Variants in AADACL3 observed in about 807,000 individuals in gnomAD.
AADACL3 encodes the protein arylacetamide deacetylase-like 3.
AADACL3 carries 13 observed loss-of-function variants against 13.6 expected under a neutral mutation model. The ratio of observed to expected loss-of-function variants is 0.95; its 90% CI spans 0.62 to 1.52. The LOEUF (loss-of-function observed/expected upper bound fraction) is 1.52. AADACL3 is among the 40% of genes most tolerant of loss of function. AADACL3 has a pLI of 0.00. For missense variants in AADACL3, 519 were observed against 499.2 expected, an observed-to-expected ratio of 1.04 and a Z score of -0.38; for synonymous variants, 195 against 197.0, an observed-to-expected ratio of 0.99 and a Z score of 0.08.
At chr1:12,720,473 C>G (rs925457226) in intron 2 of AADACL3, among the ~76,000 whole-genome samples, 1 of 152,156 alleles carries the variant, frequency 6.6e-6, no homozygotes, top group Admixed American at 6.5e-5. Context: ...CAACACTCTA[C>G]GAGTTAGATA....
Position 12,727,994 on chromosome 1 carries a change from T to G in AADACL3, c.*1998T>G, listed in dbSNP as rs1638403546. 1 of 152,256 alleles carries G rather than the reference T, an allele frequency of 6.6e-6. No individual in the cohort carries two copies. Among genetic ancestry groups the G allele is most frequent in the African/African-American group, 2.4e-5 (1 of 41,470 alleles). The allele number at this position is 152,256 out of a possible 1,614,324, so 9.4% of individuals were successfully genotyped here. On this transcript the variant is annotated 3_prime_UTR_variant, in exon 4 of 4. Coordinates refer to ENST00000359318, the MANE Select transcript of AADACL3 (RefSeq NM_001103170.3). ...AGGAATGTATAACATTTTAAGAGGC[T>G]GAGAGCACCCCTTGTTGGGCGCATG...
chr1:12,726,076 A>C lies in AADACL3; in HGVS notation c.*80A>C. 3.4e-6 allele frequency: 5 copies of C among 1,490,992 alleles called. No individual in the cohort carries two copies. The highest frequency in any genetic ancestry group is 4.5e-6 in the Non-Finnish European group (5 of 1,108,036). The allele number at this position is 1,490,992 out of a possible 1,614,324, so 92.4% of individuals were successfully genotyped here. On this transcript the variant is annotated 3_prime_UTR_variant, in exon 4 of 4. Coordinates refer to ENST00000359318, the MANE Select transcript of AADACL3 (RefSeq NM_001103170.3). ...CCACAGGGCTCTCTGTTGCTGATTTAGGTGGTGCATAGTGGGGCTAGGGAG... is the reference window on the plus strand; with the variant it reads ...CCACAGGGCTCTCTGTTGCTGATTTCGGTGGTGCATAGTGGGGCTAGGGAG...
chr1:12,724,091 T>C (rs780849598), intron 3 of AADACL3, among the ~76,000 whole-genome samples: 10 of 152,222 alleles, frequency 6.6e-5, no homozygotes, highest in Non-Finnish European at 1.5e-4. Flanking sequence ...GTTGGCTTTA[T>C]GCATTTTTAT....
Position 12,726,210 on chromosome 1 carries a change from T to A in AADACL3, c.*214T>A. 1 of 578,090 alleles carries A rather than the reference T, an allele frequency of 1.7e-6. No homozygotes were observed. 35.8% of individuals were successfully genotyped at this position (578,090 alleles called of 1,614,324 possible). A position where few individuals can be genotyped will look rare whatever the true frequency, so the allele number is the denominator to read the frequency against. Reference sequence around the variant, plus strand: ...AAAGACAGGTTTGGAGGTGGGAGTGTGGCTGTCTCTATTCTCTGTTGGGAA... The same window carrying A: ...AAAGACAGGTTTGGAGGTGGGAGTGAGGCTGTCTCTATTCTCTGTTGGGAA... On this transcript the variant is annotated 3_prime_UTR_variant, in exon 4 of 4. Transcript: ENST00000359318.
chr1:12,719,643 C>G lies in AADACL3; in HGVS notation c.337C>G (p.Pro113Ala). Residue 113 changes from proline (P) to alanine (A), a missense_variant, in exon 2 of 4, where the codon CCT becomes GCT. Transcript: ENST00000359318. ...CAAGGCATCCACCTGCACCCTGAAG[C>G]CTGGCATCGTGTACTACCACGGTGG... ...QPKASTCTLKPGIVYYHGGGG... is the reference protein window; with the variant it reads ...QPKASTCTLKAGIVYYHGGGG... 3 of 1,614,190 alleles carry G rather than the reference C, an allele frequency of 1.9e-6. No homozygotes were observed. The highest frequency in any genetic ancestry group is 1.7e-4 in the Middle Eastern group (1 of 6,052).
chr1:12,725,220 A>G lies in AADACL3; in HGVS notation c.450-2A>G. ...CAACTGTGTTTCTTGATTCCTTTTTAGTTACCGCAAGTTACCTAAGCATAA... is the reference window on the plus strand; with the variant it reads ...CAACTGTGTTTCTTGATTCCTTTTTGGTTACCGCAAGTTACCTAAGCATAA... On this transcript the variant is annotated splice_acceptor_variant, in intron 3 of 3. Coordinates refer to ENST00000359318, the MANE Select transcript of AADACL3 (RefSeq NM_001103170.3). LOFTEE classifies it high-confidence loss of function. The G allele has an allele frequency of 1.9e-6, 3 of 1,588,928 alleles. No individual in the cohort carries two copies. Among genetic ancestry groups the G allele is most frequent in the Non-Finnish European group, 2.6e-6 (3 of 1,168,922 alleles).
chr1:12,726,239 C>T lies in AADACL3; in HGVS notation c.*243C>T. 1 of 516,248 alleles carries T rather than the reference C, an allele frequency of 1.9e-6. No individual in the cohort carries two copies. Among genetic ancestry groups the T allele is most frequent in the South Asian group, 2.9e-5 (1 of 34,210 alleles). 32.0% of individuals were successfully genotyped at this position (516,248 alleles called of 1,614,324 possible). ...TGTCTCTATTCTCTGTTGGGAAAAC[C>T]TGGGCTGACAATATTCAGTGGCCAT... On this transcript the variant is annotated 3_prime_UTR_variant, in exon 4 of 4. Transcript: ENST00000359318.
chr1:12,719,177 A>G (rs1648508733), intron 1 of AADACL3, among the ~76,000 whole-genome samples: 1 of 152,042 alleles, frequency 6.6e-6, no homozygotes, highest in Admixed American at 6.6e-5. Context: ...GGGTGTTGCA[A>G]GTAGAGGGAC....
chr1:12,716,147 C>T lies in AADACL3; in HGVS notation c.-30C>T. 1.4e-6 allele frequency: 1 copy of T among 694,430 alleles called. No individual in the cohort carries two copies. The highest frequency in any genetic ancestry group is 1.7e-5 in the South Asian group (1 of 59,986). 43.0% of individuals were successfully genotyped at this position (694,430 alleles called of 1,614,324 possible). A position where few individuals can be genotyped will look rare whatever the true frequency, so the allele number is the denominator to read the frequency against. Reference sequence around the variant, plus strand: ...AAATGGTTTACACTGCGCACAGCTTCCTCTCAGCCCGCTCTGAGCTGGAAG... The same window carrying T: ...AAATGGTTTACACTGCGCACAGCTTTCTCTCAGCCCGCTCTGAGCTGGAAG... On this transcript the variant is annotated 5_prime_UTR_variant, in exon 1 of 4. Coordinates refer to ENST00000359318, the MANE Select transcript of AADACL3 (RefSeq NM_001103170.3).
At chr1:12,724,480 AC>A (rs1274802595) in intron 3 of AADACL3, among the ~76,000 whole-genome samples, 4 of 151,766 alleles carry the variant, frequency 2.6e-5, no homozygotes, top group Admixed American at 2.6e-4. Context: ...ATTATTTGAG[AC>A]CCTGCTTTTT....
rs559296689 is a variant in AADACL3 at position 12,720,367 on chromosome 1, G to A, written c.386-516G>A. Among the ~76,000 whole-genome samples the A allele has an allele frequency of 9.3e-4, 142 of 152,258 alleles. 1 individual carries two copies. Among genetic ancestry groups the A allele is most frequent in the Non-Finnish European group, 1.5e-3 (104 of 68,022 alleles). ...TGGTTTGGTCTGTATGAGAATGATAGTAACAGCCAATATTTATTAAGCAAT... is the reference window on the plus strand; with the variant it reads ...TGGTTTGGTCTGTATGAGAATGATAATAACAGCCAATATTTATTAAGCAAT... On this transcript the variant is annotated intron_variant, in intron 2 of 3. Coordinates refer to ENST00000359318, the MANE Select transcript of AADACL3 (RefSeq NM_001103170.3).
At position 12,716,223 on chromosome 1, in the gene AADACL3, C is replaced by T. The variant is rs1412913773; in HGVS notation, c.47C>T (p.Ser16Leu). ...LIFLAAACVFSLGVTLWVICS... is the reference protein window; with the variant it reads ...LIFLAAACVFLLGVTLWVICS... ...TTCCTCGCAGCAGCCTGCGTGTTCT[C>T]ACTAGGGGTCACTCTGTGGGTCATT... Residue 16 changes from serine (S) to leucine (L), a missense_variant, in exon 1 of 4, where the codon TCA becomes TTA. Physicochemically the swap from Ser to Leu is moderately radical, Grantham distance 145. Transcript: ENST00000359318. 1.5e-6 allele frequency: 2 copies of T among 1,309,884 alleles called. No homozygotes were observed. The highest frequency in any genetic ancestry group is 2.2e-6 in the Non-Finnish European group (2 of 904,168). 81.1% of individuals were successfully genotyped at this position (1,309,884 alleles called of 1,614,324 possible).
intron 3 of AADACL3, among the ~76,000 whole-genome samples, chr1:12,722,989 CT>C (rs1197448560): frequency 6.6e-6 from 1 of 152,038 alleles, no homozygotes; most frequent in Non-Finnish European, 1.5e-5. Flanking sequence ...AAAACACCAG[CT>C]AATTTATTTA....
At chr1:12,720,811 A>G in intron 2 of AADACL3, 72 bp from the exon 3 acceptor site, 4 of 1,357,112 alleles carry the variant, frequency 2.9e-6, no homozygotes, top group Non-Finnish European at 4.2e-6. Flanking sequence ...CTGTGTCTGT[A>G]GGAAGAAGAC....
At chr1:12,716,397 A>C in intron 1 of AADACL3, 53 bp downstream of exon 1, 1 of 1,611,760 alleles carries the variant, frequency 6.2e-7, no homozygotes, top group Non-Finnish European at 8.5e-7. Context: ...GGAAGGCGGC[A>C]GGAAAAATCA....
Position 12,719,594 on chromosome 1 carries a change from A to T in AADACL3, c.288A>T (p.Thr96=). ...DVVVTDFRFG[T]IPVKLYQPKA... ...TGGTCACGGATTTCCGCTTTGGGAC[A>T]ATCCCTGTGAAGCTGTACCAACCCA... Residue 96 remains threonine, a synonymous_variant, in exon 2 of 4, where the codon ACA becomes ACT. Coordinates refer to ENST00000359318, the MANE Select transcript of AADACL3 (RefSeq NM_001103170.3). The T allele has an allele frequency of 6.2e-7, 1 of 1,614,166 alleles. No individual in the cohort carries two copies. The highest frequency in any genetic ancestry group is 8.5e-7 in the Non-Finnish European group (1 of 1,180,004).
chr1:12,716,224 A>T lies in AADACL3; in HGVS notation c.48A>T (p.Ser16=). Residue 16 remains serine (S), a synonymous_variant, in exon 1 of 4, where the codon TCA becomes TCT. Coordinates refer to ENST00000359318, the MANE Select transcript of AADACL3 (RefSeq NM_001103170.3). ...TCCTCGCAGCAGCCTGCGTGTTCTC[A>T]CTAGGGGTCACTCTGTGGGTCATTT... ...LIFLAAACVF[S]LGVTLWVICS... is the part of the protein sequence containing the mutation. The T allele has an allele frequency of 7.6e-7, 1 of 1,321,754 alleles. No homozygotes were observed. The highest frequency in any genetic ancestry group is 1.1e-6 in the Non-Finnish European group (1 of 914,802). The allele number at this position is 1,321,754 out of a possible 1,614,324, so 81.9% of individuals were successfully genotyped here.
At chr1:12,719,911 A>G (rs536452294) in intron 2 of AADACL3, among the ~76,000 whole-genome samples, 1 of 152,332 alleles carries the variant, frequency 6.6e-6, no homozygotes, top group African/African-American at 2.4e-5. Context: ...TAAATTAACA[A>G]TACTGTAATA....
Position 12,719,616 on chromosome 1 carries a change from C to T in AADACL3, c.310C>T (p.Pro104Ser), listed in dbSNP as rs3010877. ...GACAATCCCTGTGAAGCTGTACCAACCCAAGGCATCCACCTGCACCCTGAA... is the reference window on the plus strand; with the variant it reads ...GACAATCCCTGTGAAGCTGTACCAATCCAAGGCATCCACCTGCACCCTGAA... ...FGTIPVKLYQ[P>S]KASTCTLKPG... The change falls in exon 2 of 4, where the codon CCC becomes TCC. Residue 104 changes from proline to serine, a missense_variant. Pro to Ser is a moderately conservative substitution (Grantham distance 74). Coordinates refer to ENST00000359318, the MANE Select transcript of AADACL3 (RefSeq NM_001103170.3). 0.17 allele frequency: 273,918 copies of T among 1,614,004 alleles called. 24,074 individuals carry two copies. The highest frequency in any genetic ancestry group is 0.2 in the East Asian group (8,958 of 44,864).
Sources: gnomAD v4.1 joint callset for allele counts (sites outside exome capture counted in the v4.1 genomes callset) on GRCh38, gnomAD v4.1.1 for gene constraint, MANE v1.5 for transcripts, NCBI Gene and HGNC (gene_info 2026-07-23, HGNC 2026-07-21) for gene names.